KAZN: variants seen among roughly 807,000 people sequenced by gnomAD.
KAZN encodes kazrin, periplakin interacting protein.
In KAZN, 40 loss-of-function variants were observed where a neutral mutation model predicts 87.4. The ratio of observed to expected loss-of-function variants is 0.46; its 90% CI spans 0.36 to 0.60. The LOEUF is 0.60. Ranked by LOEUF, KAZN falls within the 20% of genes least tolerant of loss-of-function variation. KAZN has a pLI of 0.00. For synonymous variants in KAZN, 466 were observed against 458.3 expected, an observed-to-expected ratio of 1.02 and a Z score of -0.22; for missense variants, 898 against 1,073.9, an observed-to-expected ratio of 0.84 and a Z score of 2.29.
chr1:14,093,370 T>A (rs561505998), intron 1 of KAZN, among the ~76,000 whole-genome samples: 1 of 152,342 alleles, frequency 6.6e-6, no homozygotes, highest in South Asian at 2.1e-4. Context: ...ATTTACATTT[T>A]GTTTGTGGGA....
upstream of KAZN, among the ~76,000 whole-genome samples, chr1:14,597,388 G>C (rs896495543): frequency 6.6e-6 from 1 of 152,110 alleles, no homozygotes. Flanking sequence ...ATCATCCAAG[G>C]CCTCCTGAAG....
rs1371934654 is a variant in KAZN, at chr1:14,793,011, G to A, written c.227-167673G>A. 2.6e-5 allele frequency among the ~76,000 whole-genome samples: 4 copies of A among 151,872 alleles called. 1 individual carries two copies. The highest frequency in any genetic ancestry group is 5.9e-5 in the Non-Finnish European group (4 of 67,972). On this transcript the variant is annotated intron_variant, in intron 1 of 14. Coordinates refer to ENST00000376030, the MANE Select transcript of KAZN (RefSeq NM_201628.3). Reference sequence around the variant, plus strand: ...AAAAAACATTCAGGACACAGTTGGCGGGACTGCATTTGGGAAAGCAGCCGG... The same window carrying A: ...AAAAAACATTCAGGACACAGTTGGCAGGACTGCATTTGGGAAAGCAGCCGG...
At chr1:14,287,476 CTGTT>C (rs1460651167) in intron 2 of KAZN, among the ~76,000 whole-genome samples, 6 of 152,128 alleles carry the variant, frequency 3.9e-5, no homozygotes, top group East Asian at 1.9e-4. Context: ...ATTTGGCTCT[CTGTT>C]TGTCTGTTAT....
At chr1:14,297,909 C>G (rs1415173978) in intron 2 of KAZN, among the ~76,000 whole-genome samples, 1 of 152,106 alleles carries the variant, frequency 6.6e-6, no homozygotes. Context: ...AAATGGCCAA[C>G]ACATGGTGGA....
intron 1 of KAZN, among the ~76,000 whole-genome samples, chr1:14,086,775 C>G (rs1643868974): frequency 6.6e-6 from 1 of 152,030 alleles, no homozygotes; most frequent in African/African-American, 2.4e-5. Context: ...TACGGATATC[C>G]AATTGTTCGA....
intron 1 of KAZN, among the ~76,000 whole-genome samples, chr1:13,900,683 TG>T (rs1462202282): frequency 6.6e-6 from 1 of 152,216 alleles, no homozygotes; most frequent in Non-Finnish European, 1.5e-5. Context: ...AAGAGCTCCA[TG>T]GCTTGGGTTC....
At chr1:14,970,929 G>C (rs1381308608) in intron 2 of KAZN, among the ~76,000 whole-genome samples, 2 of 152,156 alleles carry the variant, frequency 1.3e-5, no homozygotes, top group East Asian at 3.8e-4. Flanking sequence ...AACACACACT[G>C]CATCACTTTG....
intron 8 of KAZN, among the ~76,000 whole-genome samples, chr1:15,069,352 G>A (rs1179394111): frequency 6.6e-6 from 1 of 152,168 alleles, no homozygotes; most frequent in Non-Finnish European, 1.5e-5. Context: ...TCTCTCATGC[G>A]GGACATATGG....
rs144696480 is a variant in KAZN at position 14,778,543 on chromosome 1, A to G, written c.226+179320A>G. On this transcript the variant is annotated intron_variant, in intron 1 of 14. Coordinates refer to ENST00000376030, the MANE Select transcript of KAZN (RefSeq NM_201628.3). ...GGCCAAGTGGAGATCCGTTCAGTCC[A>G]TTGGGAAGCTTAGGATTTTATTTTT... is the stretch of plus-strand genomic sequence containing the variant. Among the ~76,000 whole-genome samples, 334 of 152,242 alleles carry G rather than the reference A, an allele frequency of 2.2e-3. 2 individuals carry two copies. In the East Asian group the frequency reaches 0.036, roughly 16 times the overall value.
chr1:14,338,501 AAAAAGAGAG>A (rs1557648827), intron 2 of KAZN, among the ~76,000 whole-genome samples: 1 of 141,564 alleles, frequency 7.1e-6, no homozygotes, highest in South Asian at 2.5e-4. Flanking sequence ...AAAAAAAAAA[AAAAAGAGAG>A]AGAGAGAGAG....
chr1:14,043,983 C>A (rs553322526), intron 1 of KAZN, among the ~76,000 whole-genome samples: 29 of 152,224 alleles, frequency 1.9e-4, no homozygotes, highest in African/African-American at 7.0e-4. Flanking sequence ...GGGCCATTCT[C>A]CCTTGTGTCT....
intron 1 of KAZN, among the ~76,000 whole-genome samples, chr1:14,836,543 T>C (rs895453480): frequency 7.2e-5 from 11 of 152,162 alleles, no homozygotes; most frequent in Non-Finnish European, 1.5e-4. Flanking sequence ...TCATTCAACT[T>C]GACGGAAGCT....
chr1:14,607,805 A>T (rs1677487400), intron 1 of KAZN, among the ~76,000 whole-genome samples: 1 of 152,336 alleles, frequency 6.6e-6, no homozygotes, highest in East Asian at 1.9e-4. Flanking sequence ...CATTTTTAGC[A>T]AAAGGGATGT....
intron 1 of KAZN, among the ~76,000 whole-genome samples, chr1:14,848,758 G>A (rs1012554638): frequency 2.0e-5 from 3 of 152,142 alleles, no homozygotes; most frequent in African/African-American, 7.2e-5. Context: ...ACATCATCTC[G>A]CCAGGCTGGC....
chr1:14,369,837 G>A (rs990040224), intron 2 of KAZN, among the ~76,000 whole-genome samples: 3 of 152,160 alleles, frequency 2.0e-5, no homozygotes, highest in African/African-American at 7.2e-5. Flanking sequence ...TCTCAAAGAA[G>A]CAAGCCATTG....
chr1:14,333,622 T>C (rs767282321), intron 2 of KAZN, among the ~76,000 whole-genome samples: 2 of 152,040 alleles, frequency 1.3e-5, no homozygotes, highest in Non-Finnish European at 2.9e-5. Flanking sequence ...GAAACCAAAA[T>C]CAATGAACAT....
At chr1:13,971,600 T>TG (rs1462913067) in intron 1 of KAZN, among the ~76,000 whole-genome samples, 1 of 149,726 alleles carries the variant, frequency 6.7e-6, no homozygotes, top group Non-Finnish European at 1.5e-5. Context: ...GTGAGGTTTT[T>TG]TTTTTGTTGT....
chr1:15,112,320 T>A, intron 13 of KAZN, 107 bp from the exon 14 acceptor site: 1 of 723,712 alleles, frequency 1.4e-6, no homozygotes, highest in Non-Finnish European at 2.5e-6. Context: ...GCTGTGGTCA[T>A]TGTCACCAAT....
rs902303327 is a variant in KAZN, at chr1:15,056,501, C to T, written c.916+221C>T. ...ATCTGGGTCCCTCTGACCGTCTCTC[C>T]ATCTCTTAGCTCTGCCCACCTCCTT... On this transcript the variant is annotated intron_variant, in intron 5 of 14. Transcript: ENST00000376030. The surrounding 1 kb of genome is among the most constrained non-coding windows in gnomAD (Gnocchi z 5.4). Among the ~76,000 whole-genome samples the T allele has an allele frequency of 6.6e-6, 1 of 152,152 alleles. No individual in the cohort carries two copies. The highest frequency in any genetic ancestry group is 1.5e-5 in the Non-Finnish European group (1 of 68,034).
Sources: gnomAD v4.1 joint callset for allele counts (sites outside exome capture counted in the v4.1 genomes callset) on GRCh38, gnomAD v4.1.1 for gene constraint, Gnocchi (gnomAD v3.1) non-coding constraint, MANE v1.5 for transcripts, NCBI Gene and HGNC (gene_info 2026-07-23, HGNC 2026-07-21) for gene names.